The following NRXN1 variants were observed in gnomAD, a reference collection of about 807,000 sequenced individuals.
NRXN1 encodes the protein neurexin 1.
A neutral mutation model predicts 150.9 loss-of-function variants in NRXN1; 39 were observed. That is an observed-to-expected ratio of 0.26 (90% confidence interval 0.20 to 0.34). The LOEUF is 0.34. NRXN1 is among the 10% of genes least tolerant of loss of function. The pLI, the probability that NRXN1 is intolerant of heterozygous loss-of-function variation, is 1.00. For synonymous variants in NRXN1, 924 were observed against 757.0 expected (o/e 1.22, Z -3.62); for missense variants, 1,815 against 1,949.9 (o/e 0.93, Z 1.30).
Position 50,770,479 on chromosome 2 carries a change from G to A in NRXN1, c.833-146864C>T, listed in dbSNP as rs183153389. Among the ~76,000 whole-genome samples, 4 of 152,026 alleles carry A rather than the reference G, an allele frequency of 2.6e-5. No individual in the cohort carries two copies. In the East Asian group the frequency reaches 5.8e-4, roughly 22 times the overall value. On this transcript the variant is annotated intron_variant, in intron 5 of 22. Coordinates refer to ENST00000401669, the MANE Select transcript of NRXN1 (RefSeq NM_001330078.2). Reference sequence around the variant, plus strand: ...TTACAGTTACATTGGACTAAGGTGCGTCTCACAGGGAGCTCAAATGTGACT... The same window carrying A: ...TTACAGTTACATTGGACTAAGGTGCATCTCACAGGGAGCTCAAATGTGACT...
At chr2:50,122,139 T>C (rs557286923) in intron 18 of NRXN1, among the ~76,000 whole-genome samples, 15 of 152,072 alleles carry the variant, frequency 9.9e-5, no homozygotes, top group Admixed American at 7.2e-4. Flanking sequence ...TGTTTAAATA[T>C]CCCTTCAAAA....
At chr2:50,081,599 G>C (rs1027779135) in intron 19 of NRXN1, among the ~76,000 whole-genome samples, 13 of 152,156 alleles carry the variant, frequency 8.5e-5, no homozygotes. Flanking sequence ...GATACGAAAA[G>C]TGGGTAGACA....
intron 5 of NRXN1, among the ~76,000 whole-genome samples, chr2:50,783,871 A>G (rs1289330163): frequency 6.6e-6 from 1 of 152,118 alleles, no homozygotes; most frequent in Non-Finnish European, 1.5e-5. Flanking sequence ...AAGAAAGCTG[A>G]TAGTAAACCG....
intron 5 of NRXN1, among the ~76,000 whole-genome samples, chr2:50,831,486 ATGAGTAGAGGG>A (rs1477483689): frequency 6.6e-6 from 1 of 152,142 alleles, no homozygotes; most frequent in Non-Finnish European, 1.5e-5. Flanking sequence ...GTGGGAGCTA[ATGAGTAGAGGG>A]GGCTTGAGGG....
intron 5 of NRXN1, among the ~76,000 whole-genome samples, chr2:50,815,066 CT>C (rs370316313): frequency 1.7e-4 from 25 of 149,610 alleles, no homozygotes; most frequent in Non-Finnish European, 2.4e-4. Context: ...CTGACATACT[CT>C]TTTTTTTTTC....
chr2:50,777,502 A>G (rs1386861162), intron 5 of NRXN1, among the ~76,000 whole-genome samples: 1 of 152,132 alleles, frequency 6.6e-6, no homozygotes, highest in Non-Finnish European at 1.5e-5. Context: ...AGACCAGCCT[A>G]TGTTGGCTAA....
chr2:50,287,775 T>C (rs2072380011), intron 17 of NRXN1, among the ~76,000 whole-genome samples: 1 of 152,182 alleles, frequency 6.6e-6, no homozygotes, highest in South Asian at 2.1e-4. Context: ...GATAAGAAGA[T>C]TTAATTTCCC....
At chr2:50,146,534 T>C (rs1708030973) in intron 18 of NRXN1, among the ~76,000 whole-genome samples, 2 of 151,754 alleles carry the variant, frequency 1.3e-5, no homozygotes, top group African/African-American at 2.4e-5. Flanking sequence ...TGTTCCATTA[T>C]AGTTTTTTAA....
At chr2:50,311,020 G>A (rs530471584) in intron 17 of NRXN1, among the ~76,000 whole-genome samples, 16 of 152,172 alleles carry the variant, frequency 1.1e-4, no homozygotes, top group Non-Finnish European at 2.2e-4. Context: ...GGCAAAGGCC[G>A]CATGACTATT....
chr2:50,629,187 T>G (rs938306840), intron 5 of NRXN1, among the ~76,000 whole-genome samples: 1 of 151,750 alleles, frequency 6.6e-6, no homozygotes, highest in East Asian at 1.9e-4. Flanking sequence ...AGTGTTACCC[T>G]GCATAAATTA....
chr2:50,673,145 C>A (rs1268711782), intron 5 of NRXN1, among the ~76,000 whole-genome samples: 1 of 151,988 alleles, frequency 6.6e-6, no homozygotes, highest in Non-Finnish European at 1.5e-5. Flanking sequence ...GAGAAGATGC[C>A]AGCTCTCAGA....
chr2:50,251,235 T>C (rs1242367565), intron 17 of NRXN1, among the ~76,000 whole-genome samples: 2 of 152,054 alleles, frequency 1.3e-5, no homozygotes, highest in Non-Finnish European at 2.9e-5. Context: ...CCTGTGTCCA[T>C]GTGTTCTCAT....
Position 50,057,532 on chromosome 2 carries a change from T to C in NRXN1, c.3719-2488A>G, listed in dbSNP as rs977275596. The stretch of plus-strand genomic sequence containing the variant: ...AGCATTGAACCTGTAATGGCAAATT[T>C]GATAGTTTGCCTTCAAACTCTGAAT... On this transcript the variant is annotated intron_variant, in intron 19 of 22. Coordinates refer to ENST00000401669, the MANE Select transcript of NRXN1 (RefSeq NM_001330078.2). 3.9e-5 allele frequency among the ~76,000 whole-genome samples: 6 copies of C among 152,200 alleles called. No individual in the cohort carries two copies. The East Asian group carries it at 1.2e-3, about 29-fold the overall frequency.
At chr2:50,830,758 A>T (rs1671296630) in intron 5 of NRXN1, among the ~76,000 whole-genome samples, 1 of 150,552 alleles carries the variant, frequency 6.6e-6, no homozygotes, top group South Asian at 2.1e-4. Flanking sequence ...AATTTCTTTT[A>T]AAATTAAATT....
intron 5 of NRXN1, among the ~76,000 whole-genome samples, chr2:50,701,181 T>C (rs1693693683): frequency 6.6e-6 from 1 of 152,138 alleles, no homozygotes; most frequent in African/African-American, 2.4e-5. Context: ...ATATTTCTAC[T>C]ATCTAATTTT....
chr2:50,977,280 T>C (rs575455668), intron 2 of NRXN1, among the ~76,000 whole-genome samples: 2 of 152,062 alleles, frequency 1.3e-5, no homozygotes, highest in East Asian at 1.9e-4. Context: ...GAGATAATAA[T>C]TTTGCTCAAT....
intron 17 of NRXN1, among the ~76,000 whole-genome samples, chr2:50,408,858 T>TCTCTCTCTCTCTCTCC (rs2082945102): frequency 6.6e-6 from 1 of 151,598 alleles, no homozygotes; most frequent in Non-Finnish European, 1.5e-5. Flanking sequence ...TCTCTCTCTC[T>TCTCTCTCTCTCTCTCC]CTCTCTCTCT....
At chr2:50,064,195 A>G (rs1313178509) in intron 19 of NRXN1, among the ~76,000 whole-genome samples, 1 of 151,828 alleles carries the variant, frequency 6.6e-6, no homozygotes, top group Non-Finnish European at 1.5e-5. Flanking sequence ...CTAAATAGAG[A>G]TAAAATATGT....
At chr2:50,183,629 T>C (rs972141831) in intron 18 of NRXN1, among the ~76,000 whole-genome samples, 6 of 150,948 alleles carry the variant, frequency 4.0e-5, no homozygotes, top group Non-Finnish European at 8.9e-5. Flanking sequence ...CCATGGGATA[T>C]CTGGCAATAT....
Sources: gnomAD v4.1 joint callset for allele counts (sites outside exome capture counted in the v4.1 genomes callset) on GRCh38, gnomAD v4.1.1 for gene constraint, MANE v1.5 for transcripts, NCBI Gene and HGNC (gene_info 2026-07-23, HGNC 2026-07-21) for gene names.